The following PSEN1 variants were observed in gnomAD, a reference collection of about 807,000 sequenced individuals.
The protein encoded by PSEN1 is presenilin-1.
Under a neutral mutation model 53.5 loss-of-function variants are expected in PSEN1, and 15 were observed. The ratio of observed to expected loss-of-function variants is 0.28; its 90% CI spans 0.19 to 0.43. PSEN1 has a LOEUF of 0.43. Ranked by LOEUF, PSEN1 falls within the 20% of genes least tolerant of loss-of-function variation. The pLI, the probability that PSEN1 is intolerant of heterozygous loss-of-function variation, is 1.00. For synonymous variants in PSEN1, 208 were observed against 209.8 expected (o/e 0.99, Z 0.08); for missense variants, 387 against 571.2 (o/e 0.68, Z 3.29).
intron 3 of PSEN1, chr14:73,167,763 T>A (rs1246419756): frequency 6.6e-6 from 1 of 152,028 alleles, no homozygotes; most frequent in Non-Finnish European, 1.5e-5. Flanking sequence ...TGTCTTCATT[T>A]CTGGTGGGGT....
chr14:73,170,644 A>T (rs770959119), intron 3 of PSEN1, among the ~76,000 whole-genome samples, 153 bp from the exon 4 acceptor site: 4 of 152,200 alleles, frequency 2.6e-5, no homozygotes, highest in Admixed American at 6.6e-5. Flanking sequence ...GATAATCTAG[A>T]CTTTTAAACT....
intron 8 of PSEN1, among the ~76,000 whole-genome samples, chr14:73,202,795 C>A (rs1304828793): frequency 6.6e-6 from 1 of 151,476 alleles, no homozygotes; most frequent in African/African-American, 2.4e-5. Flanking sequence ...ATTTTTAAAA[C>A]TCAACGTCTG....
chr14:73,217,976 CAG>C (rs1397291232), intron 11 of PSEN1, among the ~76,000 whole-genome samples: 1 of 151,182 alleles, frequency 6.6e-6, no homozygotes, highest in African/African-American at 2.4e-5. Context: ...TTAGTAGAAA[CAG>C]GGTTTCACCA....
intron 3 of PSEN1, among the ~76,000 whole-genome samples, chr14:73,154,454 A>C (rs185909059): frequency 1.3e-5 from 2 of 150,890 alleles, no homozygotes; most frequent in African/African-American, 4.9e-5. Flanking sequence ...AGTGAAAATT[A>C]GTGGGGTGTG....
At position 73,188,009 on chromosome 14, in the gene PSEN1, A is replaced by G. The variant is rs375912087; in HGVS notation, c.548+1089A>G. On this transcript the variant is annotated intron_variant, in intron 6 of 11. Coordinates refer to ENST00000324501, the MANE Select transcript of PSEN1 (RefSeq NM_000021.4). ...AGTGGCATGATCTCGGCTCACTGCA[A>G]CCCCCACCTCCTGGATTCAAGCGAT... Among the ~76,000 whole-genome samples the G allele has an allele frequency of 9.0e-4, 137 of 151,862 alleles. 7 individuals are homozygous for G. In the South Asian group the frequency reaches 0.028, roughly 31 times the overall value.
chr14:73,213,351 T>A (rs1055581511), intron 10 of PSEN1, among the ~76,000 whole-genome samples: 7 of 152,158 alleles, frequency 4.6e-5, no homozygotes, highest in Non-Finnish European at 8.8e-5. Context: ...CTTTTCTAAT[T>A]TGACGATTCC....
chr14:73,136,816 C>G (rs1205923980), intron 1 of PSEN1: 1 of 152,650 alleles, frequency 6.6e-6, no homozygotes, highest in African/African-American at 2.4e-5. Context: ...AGCCTTGGTC[C>G]GGAAATGCTG....
intron 3 of PSEN1, among the ~76,000 whole-genome samples, chr14:73,157,497 ATACT>A (rs1566622524): frequency 6.6e-6 from 1 of 152,170 alleles, no homozygotes. Flanking sequence ...TAAAATGTAC[ATACT>A]TAAAGTATAC....
At chr14:73,208,933 C>T (rs1467526547) in intron 9 of PSEN1, 1 of 453,024 alleles carries the variant, frequency 2.2e-6, no homozygotes, top group African/African-American at 2.0e-5. Flanking sequence ...GCCTTCAGCC[C>T]CTCCTCAGTC....
At chr14:73,145,115 A>G (rs532504935) in intron 1 of PSEN1, among the ~76,000 whole-genome samples, 1 of 151,718 alleles carries the variant, frequency 6.6e-6, no homozygotes, top group East Asian at 1.9e-4. Context: ...CTGGTCTCGA[A>G]CTCCTGGCCT....
intron 7 of PSEN1, chr14:73,197,607 G>T (rs1899007399): frequency 5.4e-6 from 1 of 185,166 alleles, no homozygotes; most frequent in Non-Finnish European, 1.1e-5. Context: ...TCATCTCAGA[G>T]TAATCTTTTT....
chr14:73,216,559 G>T (rs1899923040), intron 10 of PSEN1, among the ~76,000 whole-genome samples: 1 of 152,106 alleles, frequency 6.6e-6, no homozygotes, highest in Non-Finnish European at 1.5e-5. Flanking sequence ...AGGAGTTCGA[G>T]ACCAGCCTGA....
rs1357927531 is a variant in PSEN1, at chr14:73,197,712, C to A, written c.770-319C>A. The A allele has an allele frequency of 8.6e-5, 30 of 348,866 alleles. No homozygotes were observed. The Admixed American group carries it at 1.3e-3, about 15-fold the overall frequency. The allele number at this position is 348,866 out of a possible 1,614,324, so 21.6% of individuals were successfully genotyped here. On this transcript the variant is annotated intron_variant, in intron 7 of 11. Transcript: ENST00000324501. ...AACTGCTTAAAATAGTCTATCTCATCATTATCTCTGCAGCTTTCCTTTAAA... is the reference window on the plus strand; with the variant it reads ...AACTGCTTAAAATAGTCTATCTCATAATTATCTCTGCAGCTTTCCTTTAAA...
At chr14:73,161,686 T>C (rs1055673121) in intron 3 of PSEN1, among the ~76,000 whole-genome samples, 6 of 152,150 alleles carry the variant, frequency 3.9e-5, no homozygotes, top group African/African-American at 1.2e-4. Flanking sequence ...ACGTGGAATA[T>C]TGGCAACCAG....
At chr14:73,178,933 G>A (rs1293690705) in intron 5 of PSEN1, among the ~76,000 whole-genome samples, 1 of 152,156 alleles carries the variant, frequency 6.6e-6, no homozygotes, top group African/African-American at 2.4e-5. Flanking sequence ...TGGTATAGTG[G>A]TGTTCTATTT....
chr14:73,197,106 G>T (rs1898984685), intron 7 of PSEN1, among the ~76,000 whole-genome samples: 1 of 151,838 alleles, frequency 6.6e-6, no homozygotes, highest in East Asian at 1.9e-4. Flanking sequence ...CTAATTTTTT[G>T]TATTTTTTAG....
chr14:73,193,205 G>A (rs1195865837), intron 7 of PSEN1, among the ~76,000 whole-genome samples: 1 of 152,060 alleles, frequency 6.6e-6, no homozygotes, highest in African/African-American at 2.4e-5. Context: ...AGCTACTTAG[G>A]AGGCTGAGGT....
intron 3 of PSEN1, among the ~76,000 whole-genome samples, chr14:73,160,657 TC>T (rs1566624228): frequency 3.3e-5 from 5 of 152,058 alleles, no homozygotes; most frequent in Non-Finnish European, 2.9e-5. Context: ...TTTTCTTTTT[TC>T]CCCCCATATT....
Position 73,219,050 on chromosome 14 carries a change from A to T in PSEN1, c.1249-84A>T, listed in dbSNP as rs557003107. The T allele has an allele frequency of 6.9e-6, 10 of 1,457,136 alleles. No individual in the cohort carries two copies. In the African/African-American group the frequency reaches 1.3e-4, roughly 18 times the overall value. The allele number at this position is 1,457,136 out of a possible 1,614,324, so 90.3% of individuals were successfully genotyped here. On this transcript the variant is annotated intron_variant, in intron 11 of 11. Transcript: ENST00000324501. Reference sequence around the variant, plus strand: ...GGAAAATATTCAGTTAACTATGTTAAAAACCAAGACTTGTGATTGAGTTTT... The same window carrying T: ...GGAAAATATTCAGTTAACTATGTTATAAACCAAGACTTGTGATTGAGTTTT...
Sources: gnomAD v4.1 joint callset for allele counts (sites outside exome capture counted in the v4.1 genomes callset) on GRCh38, gnomAD v4.1.1 for gene constraint, MANE v1.5 for transcripts, NCBI Gene and HGNC (gene_info 2026-07-23, HGNC 2026-07-21) for gene names.